ZNF324B: variants seen among roughly 807,000 people sequenced by gnomAD.
ZNF324B encodes the protein zinc finger protein 324B.
ZNF324B carries 7 observed loss-of-function variants against 10.6 expected under a neutral mutation model. The observed-to-expected ratio is 0.66, with a 90% CI of 0.38 to 1.24. ZNF324B has a LOEUF of 1.24. Ranked by LOEUF, ZNF324B falls within the 50% of genes most tolerant of loss-of-function variation. The pLI is 0.02. For missense variants in ZNF324B, 640 were observed against 764.7 expected (o/e 0.84, Z 1.92); for synonymous variants, 316 against 321.0 (o/e 0.98, Z 0.17).
the ZNF324B span, chr19:58,445,642 C>T: frequency 2.7e-6 from 1 of 366,916 alleles, no homozygotes; most frequent in African/African-American, 2.2e-5. Context: ...ATGGCAAACC[C>T]CCTCTTTACA....
chr19:58,427,441 TCCTTTCCTTTCCC>T, the ZNF324B span, among the ~76,000 whole-genome samples: 5 of 84,294 alleles, frequency 5.9e-5, no homozygotes, highest in African/African-American at 4.2e-4. Flanking sequence ...CTTCCTTCCT[TCCTTTCCTTTCCC>T]TTCCTTCCTT....
upstream of ZNF324B, among the ~76,000 whole-genome samples, chr19:58,446,791 G>C (rs1009180316): frequency 4.6e-5 from 7 of 151,660 alleles, no homozygotes; most frequent in African/African-American, 1.5e-4. Flanking sequence ...TGGCCAAGAT[G>C]GTCTCGATCT....
the ZNF324B span, among the ~76,000 whole-genome samples, chr19:58,446,573 C>CTCTT: frequency 9.8e-6 from 1 of 102,510 alleles, no homozygotes; most frequent in Non-Finnish European, 1.8e-5. Flanking sequence ...ATTTCTTTCT[C>CTCTT]TTTTTTTTTT....
In ZNF324B at chr19:58,456,295, C is replaced by T. The variant is rs1465378344; in HGVS notation, c.1351C>T (p.Arg451Trp). 1.9e-6 allele frequency: 3 copies of T among 1,612,624 alleles called. No homozygotes were observed. Among genetic ancestry groups the T allele is most frequent in the East Asian group, 2.2e-5 (1 of 44,878 alleles). The change falls in exon 4 of 4, where the codon CGG (arginine) becomes TGG (tryptophan). Residue 451 changes from arginine to tryptophan, a missense_variant. By Grantham distance (101) the Arg-to-Trp change is moderately radical. Coordinates refer to ENST00000336614, the MANE Select transcript of ZNF324B (RefSeq NM_207395.3). The surrounding 1 kb of genome is among the most constrained non-coding windows in gnomAD (Gnocchi z 4.7). ...TQHQLLHTGE[R>W]PFRCVDCGKG... ...GCACCAGCTCCTGCACACGGGCGAG[C>T]GGCCCTTCCGCTGCGTGGACTGTGG... is the stretch of plus-strand genomic sequence containing the variant.
At chr19:58,420,980 C>T in the ZNF324B span, among the ~76,000 whole-genome samples, 4 of 150,294 alleles carry the variant, frequency 2.7e-5, no homozygotes, top group Admixed American at 1.3e-4. Context: ...CTGGGATTAC[C>T]GGCGTGAGCC....
the ZNF324B span, chr19:58,418,495 A>AT: frequency 0.27 from 40,359 of 148,358 alleles, 5,840 homozygotes; most frequent in East Asian, 0.44. Context: ...CACCTGGCTA[A>AT]TTTTTTTTTT....
At chr19:58,444,091 G>A in the ZNF324B span, 1 of 152,236 alleles carries the variant, frequency 6.6e-6, no homozygotes, top group Admixed American at 6.5e-5. Flanking sequence ...GTGCCCTGGT[G>A]GCTCACCTGG....
At chr19:58,438,800 T>C in the ZNF324B span, among the ~76,000 whole-genome samples, 2 of 149,610 alleles carry the variant, frequency 1.3e-5, no homozygotes, top group African/African-American at 2.5e-5. Context: ...AGACAGAGTC[T>C]CGCTCTGTCA....
chr19:58,448,368 A>C (rs914849359), upstream of ZNF324B, among the ~76,000 whole-genome samples: 1 of 152,232 alleles, frequency 6.6e-6, no homozygotes, highest in Non-Finnish European at 1.5e-5. Context: ...TTTAGCAAAG[A>C]GACTGGTGGC....
chr19:58,455,363 C>T lies in ZNF324B; in HGVS notation c.419C>T (p.Ser140Leu), dbSNP rs771328187. ...PSQERKPTGV[S>L]VIYWERLLLG... ...CAGGAGAGAAAACCCACGGGGGTGT[C>T]GGTGATCTACTGGGAGAGGCTCCTG... is the stretch of plus-strand genomic sequence containing the variant. Residue 140 changes from serine to leucine, a missense_variant, in exon 4 of 4, where the codon TCG becomes TTG. Physicochemically the swap from Ser to Leu is moderately radical, Grantham distance 145. This residue lies in a region of ZNF324B where 345 missense variants were observed against 387.9 expected (regional missense o/e 0.89). Coordinates refer to ENST00000336614, the MANE Select transcript of ZNF324B (RefSeq NM_207395.3). The surrounding 1 kb of genome is among the most constrained non-coding windows in gnomAD (Gnocchi z 7.0). 11 of 1,614,092 alleles carry T rather than the reference C, an allele frequency of 6.8e-6. No homozygotes were observed. The Admixed American group carries it at 1.8e-4, about 27-fold the overall frequency.
the ZNF324B span, among the ~76,000 whole-genome samples, chr19:58,431,869 G>A: frequency 6.6e-6 from 1 of 152,098 alleles, no homozygotes; most frequent in Non-Finnish European, 1.5e-5. Context: ...GCGGGCAACT[G>A]TAGTTCCAGC....
At chr19:58,436,573 CAGG>C in the ZNF324B span, among the ~76,000 whole-genome samples, 3 of 142,012 alleles carry the variant, frequency 2.1e-5, no homozygotes, top group Admixed American at 2.4e-4. Context: ...GAGGCTGAGG[CAGG>C]AGAATGGCGT....
In ZNF324B at chr19:58,454,359, A is replaced by G; in HGVS notation, c.238+15A>G. On this transcript the variant is annotated intron_variant, in intron 3 of 3. Coordinates refer to ENST00000336614, the MANE Select transcript of ZNF324B (RefSeq NM_207395.3). ...GCTCAACTCTGGTGAGTGGGAGCTC[A>G]GGTGGGGTGAACTAAGGACCAACCT... The G allele has an allele frequency of 1.3e-6, 2 of 1,577,828 alleles. No homozygotes were observed. The highest frequency in any genetic ancestry group is 1.3e-5 in the African/African-American group (1 of 74,342).
Position 58,455,438 on chromosome 19 carries a change from C to T in ZNF324B, c.494C>T (p.Pro165Leu), listed in dbSNP as rs1284471781. The T allele has an allele frequency of 6.2e-7, 1 of 1,614,054 alleles. No homozygotes were observed. Among genetic ancestry groups the T allele is most frequent in the Non-Finnish European group, 8.5e-7 (1 of 1,180,010 alleles). ...QASISLRLTS[P>L]LRPPKSSRPR... is the part of the protein sequence containing the mutation. ...AGCATCAGCCTGCGACTGACCTCCC[C>T]ACTCAGGCCCCCCAAGAGCAGCCGG... Residue 165 changes from proline (P) to leucine (L), a missense_variant, in exon 4 of 4, where the codon CCA becomes CTA. Pro to Leu is a moderately conservative substitution (Grantham distance 98). This residue lies in a region of ZNF324B where 345 missense variants were observed against 387.9 expected (regional missense o/e 0.89). Coordinates refer to ENST00000336614, the MANE Select transcript of ZNF324B (RefSeq NM_207395.3). The surrounding 1 kb of genome is among the most constrained non-coding windows in gnomAD (Gnocchi z 7.0).
At chr19:58,429,909 T>G in the ZNF324B span, 6 of 152,230 alleles carry the variant, frequency 3.9e-5, no homozygotes, top group Middle Eastern at 3.2e-3. Flanking sequence ...GCTTTGGACA[T>G]GGCTTCCAAT....
the ZNF324B span, chr19:58,434,488 T>G: frequency 6.2e-7 from 1 of 1,614,212 alleles, no homozygotes; most frequent in Admixed American, 1.7e-5. Context: ...AATGCACTCA[T>G]AATATTTTAC....
At chr19:58,419,065 C>A in the ZNF324B span, 3 of 152,260 alleles carry the variant, frequency 2.0e-5, no homozygotes, top group East Asian at 5.8e-4. Flanking sequence ...CAGAAAATAC[C>A]TCTAGTCAAG....
chr19:58,434,234 C>G, the ZNF324B span: 1 of 1,614,190 alleles, frequency 6.2e-7, no homozygotes, highest in Non-Finnish European at 8.5e-7. Context: ...TGACTGCACT[C>G]ATAAGGTCTT....
chr19:58,450,681 T>G (rs1301848767), upstream of ZNF324B, among the ~76,000 whole-genome samples: 1 of 152,128 alleles, frequency 6.6e-6, no homozygotes, highest in African/African-American at 2.4e-5. Context: ...AGTAGACAGA[T>G]ATTTATAGAT....
Sources: allele counts gnomAD v4.1 joint callset (sites outside exome capture counted in the v4.1 genomes callset), GRCh38; gene constraint gnomAD v4.1.1; regional missense constraint gnomAD v4.1.1; non-coding constraint Gnocchi (gnomAD v3.1); transcripts MANE v1.5; gene names NCBI Gene and HGNC (gene_info 2026-07-23, HGNC 2026-07-21).